The following PANK3 variants were observed in gnomAD, a reference collection of about 807,000 sequenced individuals.
PANK3 encodes hPanK3.
Under a neutral mutation model 39.4 loss-of-function variants are expected in PANK3, and 20 were observed. The observed-to-expected ratio is 0.51, with a 90% CI of 0.36 to 0.74. The LOEUF (loss-of-function observed/expected upper bound fraction) is 0.74. PANK3 is among the 30% of genes least tolerant of loss of function. The probability of loss-of-function intolerance (pLI) is 0.00; values close to 1 mark genes in which losing one functional copy is unlikely to be tolerated. For missense variants in PANK3, 265 were observed against 437.0 expected (o/e 0.61, Z 3.51); for synonymous variants, 140 against 157.3 (o/e 0.89, Z 0.82).
At chr5:168,567,657 C>T (rs936827506) in intron 2 of PANK3, among the ~76,000 whole-genome samples, 14 of 152,164 alleles carry the variant, frequency 9.2e-5, no homozygotes, top group African/African-American at 3.4e-4. Context: ...CTCACTGTCA[C>T]CCATGCTGGA....
Position 168,557,251 on chromosome 5 carries a change from C to G in PANK3, c.*320G>C. On this transcript the variant is annotated 3_prime_UTR_variant, in exon 7 of 7. Coordinates refer to ENST00000239231, the MANE Select transcript of PANK3 (RefSeq NM_024594.4). Reference sequence around the variant, plus strand: ...GATTATTTTCATAAGCTAAACAGTTCCGATACTTTAAGATTTGTGTTTGAG... The same window carrying G: ...GATTATTTTCATAAGCTAAACAGTTGCGATACTTTAAGATTTGTGTTTGAG... 1 of 179,468 alleles carries G rather than the reference C, an allele frequency of 5.6e-6. No individual in the cohort carries two copies. The highest frequency in any genetic ancestry group is 1.2e-5 in the Non-Finnish European group (1 of 85,140). 11.1% of individuals were successfully genotyped at this position (179,468 alleles called of 1,614,324 possible). A position where few individuals can be genotyped will look rare whatever the true frequency, so the allele number is the denominator to read the frequency against.
At position 168,549,226 on chromosome 5, in the gene PANK3, T is replaced by G. The variant is rs1759238517; in HGVS notation, c.*8345A>C. The stretch of plus-strand genomic sequence containing the variant: ...CAGACTAGGATATTGGTGTTACTTC[T>G]ATAAAGTTACCTTCTGTTTCTAAAT... On this transcript the variant is annotated 3_prime_UTR_variant, in exon 7 of 7. Transcript: ENST00000239231. The G allele has an allele frequency of 1.3e-5, 2 of 152,212 alleles. No homozygotes were observed. Among genetic ancestry groups the G allele is most frequent in the Admixed American group, 1.3e-4 (2 of 15,278 alleles). The allele number at this position is 152,212 out of a possible 1,614,324, so 9.4% of individuals were successfully genotyped here.
At chr5:168,569,324 A>G (rs1759589756) in intron 1 of PANK3, among the ~76,000 whole-genome samples, 5 of 149,988 alleles carry the variant, frequency 3.3e-5, no homozygotes, top group Admixed American at 6.7e-5. Context: ...AGCTGGGACT[A>G]CAGGTGCCCA....
chr5:168,564,993 T>C (rs1759502414), intron 3 of PANK3, among the ~76,000 whole-genome samples: 1 of 152,216 alleles, frequency 6.6e-6, no homozygotes, highest in Non-Finnish European at 1.5e-5. Context: ...TAGTCTCATC[T>C]AAATTTCTAG....
At chr5:168,575,820 G>C (rs1759723484) in intron 1 of PANK3, among the ~76,000 whole-genome samples, 1 of 151,502 alleles carries the variant, frequency 6.6e-6, no homozygotes, top group South Asian at 2.1e-4. Flanking sequence ...AGGGGAGGGG[G>C]GAGATACTAA....
In PANK3 at chr5:168,563,989, C is replaced by T. The variant is rs142297393; in HGVS notation, c.712G>A (p.Ala238Thr). 1.2e-6 allele frequency: 2 copies of T among 1,613,598 alleles called. No individual in the cohort carries two copies. The highest frequency in any genetic ancestry group is 1.7e-6 in the Non-Finnish European group (2 of 1,179,740). ...CESFEEALEMASKGDSTQADK... is the reference protein window; with the variant it reads ...CESFEEALEMTSKGDSTQADK... Reference sequence around the variant, plus strand: ...GCTTGTGTGCTATCACCTTTGGATGCCATTTCAAGAGCCTCTTCAAAACTT... The same window carrying T: ...GCTTGTGTGCTATCACCTTTGGATGTCATTTCAAGAGCCTCTTCAAAACTT... Residue 238 changes from alanine to threonine, a missense_variant, in exon 4 of 7, where the codon GCA becomes ACA. Transcript: ENST00000239231.
intron 3 of PANK3, among the ~76,000 whole-genome samples, chr5:168,564,994 A>G (rs559750028): frequency 6.6e-6 from 1 of 152,318 alleles, no homozygotes; most frequent in Admixed American, 6.5e-5. Flanking sequence ...AGTCTCATCT[A>G]AATTTCTAGC....
intron 5 of PANK3, among the ~76,000 whole-genome samples, chr5:168,559,634 T>A (rs1173089656): frequency 6.6e-6 from 1 of 152,204 alleles, no homozygotes; most frequent in Non-Finnish European, 1.5e-5. Context: ...GAGATTTGTT[T>A]TTGAAAATGG....
chr5:168,578,078 A>T (rs1369252837), intron 1 of PANK3, among the ~76,000 whole-genome samples: 1 of 152,256 alleles, frequency 6.6e-6, no homozygotes, highest in East Asian at 1.9e-4. Flanking sequence ...AAGTACTTAG[A>T]CAATGCTCTA....
intron 5 of PANK3, among the ~76,000 whole-genome samples, chr5:168,559,697 TA>T (rs201214118): frequency 9.8e-4 from 146 of 148,464 alleles, no homozygotes; most frequent in Middle Eastern, 3.5e-3. Flanking sequence ...CTGATGTGAT[TA>T]AAAAAAAAAA....
At chr5:168,558,500 T>A (rs1368488157) in intron 6 of PANK3, among the ~76,000 whole-genome samples, 2 of 152,146 alleles carry the variant, frequency 1.3e-5, no homozygotes, top group Non-Finnish European at 2.9e-5. Context: ...ATAATTTGAA[T>A]CTCTGTTACT....
chr5:168,566,408 C>T (rs539353521), intron 2 of PANK3, 142 bp from the exon 3 acceptor site: 39 of 958,444 alleles, frequency 4.1e-5, no homozygotes, highest in East Asian at 1.8e-4. Flanking sequence ...GAATCTCTTT[C>T]GGGATTTCAT....
intron 1 of PANK3, among the ~76,000 whole-genome samples, chr5:168,577,584 C>G (rs1759749052): frequency 6.6e-6 from 1 of 152,184 alleles, no homozygotes. Context: ...AGCGATTCTC[C>G]CGCCTCGGCC....
Position 168,554,189 on chromosome 5 carries a change from T to C in PANK3, c.*3382A>G, listed in dbSNP as rs546843125. ...TGGCAAGTTAACACTGGAGGTCCAA[T>C]AGTTTAGTGAAGTTGTTTTGAGACT... On this transcript the variant is annotated 3_prime_UTR_variant, in exon 7 of 7. Coordinates refer to ENST00000239231, the MANE Select transcript of PANK3 (RefSeq NM_024594.4). 6.6e-6 allele frequency: 1 copy of C among 152,342 alleles called. No individual in the cohort carries two copies. Among genetic ancestry groups the C allele is most frequent in the African/African-American group, 2.4e-5 (1 of 41,578 alleles). 9.4% of individuals were successfully genotyped at this position (152,342 alleles called of 1,614,324 possible). A position where few individuals can be genotyped will look rare whatever the true frequency, so the allele number is the denominator to read the frequency against.
chr5:168,563,557 T>C (rs1288700816), intron 4 of PANK3, among the ~76,000 whole-genome samples: 1 of 151,676 alleles, frequency 6.6e-6, no homozygotes, highest in Non-Finnish European at 1.5e-5. Flanking sequence ...TAAAGATTTC[T>C]ATATGGATAC....
intron 2 of PANK3, 142 bp from the exon 3 acceptor site, chr5:168,566,408 C>A: frequency 1.0e-6 from 1 of 958,442 alleles, no homozygotes; most frequent in Non-Finnish European, 1.5e-6. Flanking sequence ...GAATCTCTTT[C>A]GGGATTTCAT....
At chr5:168,571,240 G>GTATTATAATATTATGATATTATATATAA (rs1159570734) in intron 1 of PANK3, among the ~76,000 whole-genome samples, 4 of 152,132 alleles carry the variant, frequency 2.6e-5, no homozygotes, top group Non-Finnish European at 4.4e-5. Flanking sequence ...AAGGAAGTCA[G>GTATTATAATATTATGATATTATATATAA]TATTATAATA....
Position 168,559,163 on chromosome 5 carries a change from A to G in PANK3, c.937-6T>C. 6.7e-7 allele frequency: 1 copy of G among 1,492,336 alleles called. No individual in the cohort carries two copies. The highest frequency in any genetic ancestry group is 9.1e-7 in the Non-Finnish European group (1 of 1,100,572). 92.4% of individuals were successfully genotyped at this position (1,492,336 alleles called of 1,614,324 possible). On this transcript the variant is annotated splice_polypyrimidine_tract_variant and splice_region_variant and intron_variant, in intron 5 of 6. Transcript: ENST00000239231. ...AAGACAACTCTGTTTATTTTCTAAA[A>G]GAAAAGAACAAAGAAAAAACTTGTA...
chr5:168,559,391 T>C (rs1329493838), intron 5 of PANK3, among the ~76,000 whole-genome samples: 1 of 152,166 alleles, frequency 6.6e-6, no homozygotes, highest in Non-Finnish European at 1.5e-5. Flanking sequence ...GAGAGAACCC[T>C]AAATTATGGA....
Sources: allele counts gnomAD v4.1 joint callset (sites outside exome capture counted in the v4.1 genomes callset), GRCh38; gene constraint gnomAD v4.1.1; transcripts MANE v1.5; gene names NCBI Gene and HGNC (gene_info 2026-07-23, HGNC 2026-07-21).